Variants in PACS2 observed in about 807,000 individuals in gnomAD.
PACS2 encodes PACS1-like protein.
PACS2 carries 36 observed loss-of-function variants against 113.0 expected under a neutral mutation model. The ratio of observed to expected loss-of-function variants is 0.32; its 90% confidence interval spans 0.24 to 0.42. PACS2 has a LOEUF of 0.42. Ranked by LOEUF, PACS2 falls within the 10% of genes least tolerant of loss-of-function variation. The pLI, the probability that PACS2 is intolerant of heterozygous loss-of-function variation, is 1.00. For synonymous variants in PACS2, 589 were observed against 536.1 expected, an observed-to-expected ratio of 1.10 and a Z score of -1.36; for missense variants, 1,015 against 1,239.5, an observed-to-expected ratio of 0.82 and a Z score of 2.72.
In PACS2 at chr14:105,340,822, C is replaced by T. The variant is rs1466907808; in HGVS notation, c.120-7671C>T. 3.3e-5 allele frequency among the ~76,000 whole-genome samples: 5 copies of T among 152,228 alleles called. No individual in the cohort carries two copies. The highest frequency in any genetic ancestry group is 2.1e-4 in the South Asian group (1 of 4,822). ...CTGGCTTGGCTTCTGCCCCTGGGTC[C>T]GTGGTGGCTGCCTGGGACCTGCCCT... is the stretch of plus-strand genomic sequence containing the variant. On this transcript the variant is annotated intron_variant, in intron 1 of 24. Transcript: ENST00000447393. This position sits in a 1 kb window ranked among gnomAD's most constrained non-coding sequence, Gnocchi z 4.2.
In PACS2 at chr14:105,373,870, C is replaced by T. The variant is rs191814799; in HGVS notation, c.802-2898C>T. Among the ~76,000 whole-genome samples the T allele has an allele frequency of 9.9e-5, 15 of 151,974 alleles. No homozygotes were observed. In the East Asian group the frequency reaches 2.3e-3, roughly 23 times the overall value. On this transcript the variant is annotated intron_variant, in intron 8 of 24. Transcript: ENST00000447393. Reference sequence around the variant, plus strand: ...TGGATCAGCTGGGTGCGGTGGCTCACGCCTGTAATCCCAGCACTTTGGGAT... The same window carrying T: ...TGGATCAGCTGGGTGCGGTGGCTCATGCCTGTAATCCCAGCACTTTGGGAT...
rs1555416043 is a variant in PACS2, at chr14:105,394,660, G to A, written c.2703G>A (p.Lys901=). ...HFPICIFGHS[K]ATF is the part of the protein sequence containing the mutation. Reference sequence around the variant, plus strand: ...CCATCTGCATCTTCGGACACTCCAAGGCCACCTTCTAGCCCCACCCACCAG... The same window carrying A: ...CCATCTGCATCTTCGGACACTCCAAAGCCACCTTCTAGCCCCACCCACCAG... The change falls in exon 25 of 25, where the codon AAG becomes AAA. Residue 901 remains lysine, a synonymous_variant. Transcript: ENST00000447393. The A allele has an allele frequency of 6.2e-7, 1 of 1,611,304 alleles. No homozygotes were observed. The highest frequency in any genetic ancestry group is 1.1e-5 in the South Asian group (1 of 91,028).
intron 7 of PACS2, among the ~76,000 whole-genome samples, chr14:105,368,986 C>T (rs2061052242): frequency 6.6e-6 from 1 of 152,250 alleles, no homozygotes; most frequent in African/African-American, 2.4e-5. Flanking sequence ...GCTCAGGCAG[C>T]TCTTTCCTCA....
Position 105,357,459 on chromosome 14 carries a change from T to G in PACS2, c.423+2282T>G, listed in dbSNP as rs1292352857. Among the ~76,000 whole-genome samples, 2 of 151,934 alleles carry G rather than the reference T, an allele frequency of 1.3e-5. No individual in the cohort carries two copies. Among genetic ancestry groups the G allele is most frequent in the African/African-American group, 4.8e-5 (2 of 41,338 alleles). On this transcript the variant is annotated intron_variant, in intron 4 of 24. Coordinates refer to ENST00000447393, the MANE Select transcript of PACS2 (RefSeq NM_001100913.3). The surrounding 1 kb of genome is among the most constrained non-coding windows in gnomAD (Gnocchi z 5.1). Reference sequence around the variant, plus strand: ...CCGAGGTCATCTGACTGCTCCTCGCTCTCCCCTCCAGCATCTCCTCCAGGC... The same window carrying G: ...CCGAGGTCATCTGACTGCTCCTCGCGCTCCCCTCCAGCATCTCCTCCAGGC...
chr14:105,397,845 C>G lies in PACS2; in HGVS notation c.*3173C>G, dbSNP rs1555417403. ...TCTTCCGAGGGCCAGGCCGCCCCCT[C>G]CCCGAGACCTGTCCTGCCGTCCGCG... On this transcript the variant is annotated 3_prime_UTR_variant, in exon 25 of 25. Coordinates refer to ENST00000447393, the MANE Select transcript of PACS2 (RefSeq NM_001100913.3). 1.3e-5 allele frequency: 2 copies of G among 152,244 alleles called. No individual in the cohort carries two copies. Among genetic ancestry groups the G allele is most frequent in the African/African-American group, 4.8e-5 (2 of 41,444 alleles). 9.4% of individuals were successfully genotyped at this position (152,244 alleles called of 1,614,324 possible).
upstream of PACS2, among the ~76,000 whole-genome samples, chr14:105,309,777 T>C (rs12432798): frequency 1.1e-5 from 1 of 92,338 alleles, no homozygotes; most frequent in South Asian, 3.1e-4. The surrounding 1 kb of genome is among the most constrained non-coding windows in gnomAD (Gnocchi z 4.0). Flanking sequence ...GATGTGTGTC[T>C]TTTTTTTTTT....
intron 1 of PACS2, among the ~76,000 whole-genome samples, chr14:105,332,986 C>T (rs768478740): frequency 1.1e-4 from 17 of 152,166 alleles, no homozygotes; most frequent in Admixed American, 3.9e-4. Flanking sequence ...CCCCAGGCTC[C>T]GCTCCTGTGG....
At chr14:105,350,166 G>A (rs1007024539) in intron 2 of PACS2, among the ~76,000 whole-genome samples, 10 of 152,230 alleles carry the variant, frequency 6.6e-5, no homozygotes, top group East Asian at 5.8e-4. Context: ...GCTGCGGGTC[G>A]TCCCTGGGGA....
At position 105,352,060 on chromosome 14, in the gene PACS2, T is replaced by C. The variant is rs1159098746; in HGVS notation, c.208-318T>C. Among the ~76,000 whole-genome samples the C allele has an allele frequency of 2.0e-5, 3 of 152,270 alleles. No individual in the cohort carries two copies. In the East Asian group the frequency reaches 5.8e-4, roughly 29 times the overall value. ...TGCCAGACAGACTTGGGCAGCGCAG[T>C]CAGGTGCTGCTGCACCTGGCCGTGG... On this transcript the variant is annotated intron_variant, in intron 2 of 24. Transcript: ENST00000447393.
At chr14:105,379,599 C>T (rs782633341) in intron 9 of PACS2, 140 bp from the exon 10 acceptor site, 4 of 676,876 alleles carry the variant, frequency 5.9e-6, no homozygotes, top group Non-Finnish European at 8.0e-6. Context: ...TGCGCTGACA[C>T]GGGCTCTTCT....
chr14:105,393,880 C>A (rs768109083), intron 24 of PACS2, among the ~76,000 whole-genome samples: 2 of 151,968 alleles, frequency 1.3e-5, no homozygotes, highest in Non-Finnish European at 2.9e-5. Context: ...CGCGAGCCAC[C>A]GCACCTGGCC....
At chr14:105,302,710 C>T (rs749671541) in intron 1 of PACS2, among the ~76,000 whole-genome samples, 360 of 152,276 alleles carry the variant, frequency 2.4e-3, no homozygotes, top group Non-Finnish European at 4.1e-3. Flanking sequence ...CTCAGCCTCC[C>T]GAGTAGCTGG....
At chr14:105,335,203 T>C (rs1304683640) in intron 1 of PACS2, among the ~76,000 whole-genome samples, 2 of 152,258 alleles carry the variant, frequency 1.3e-5, no homozygotes, top group Non-Finnish European at 2.9e-5. Context: ...GTTTGCAGCA[T>C]TGTTCTCACA....
At position 105,329,951 on chromosome 14, in the gene PACS2, G is replaced by A. The variant is rs1676366241; in HGVS notation, c.119+14914G>A. Among the ~76,000 whole-genome samples the A allele has an allele frequency of 6.6e-6, 1 of 152,238 alleles. No individual in the cohort carries two copies. Among genetic ancestry groups the A allele is most frequent in the African/African-American group, 2.4e-5 (1 of 41,456 alleles). ...CTGTGGTCTGCACGTCCATGCCAGGGCCGAGCCCCCAGCTGGGATGCCCTG... is the reference window on the plus strand; with the variant it reads ...CTGTGGTCTGCACGTCCATGCCAGGACCGAGCCCCCAGCTGGGATGCCCTG... On this transcript the variant is annotated intron_variant, in intron 1 of 24. Coordinates refer to ENST00000447393, the MANE Select transcript of PACS2 (RefSeq NM_001100913.3). The surrounding 1 kb of genome is among the most constrained non-coding windows in gnomAD (Gnocchi z 6.4).
At chr14:105,367,014 C>T (rs1280782521) in intron 4 of PACS2, among the ~76,000 whole-genome samples, 199 bp from the exon 5 acceptor site, 9 of 152,198 alleles carry the variant, frequency 5.9e-5, no homozygotes, top group Non-Finnish European at 1.2e-4. Context: ...CTCCTGTGTC[C>T]TCCTCTCGTA....
intron 11 of PACS2, 139 bp from the exon 12 acceptor site, chr14:105,380,818 C>T (rs1478748697): frequency 9.0e-6 from 7 of 779,970 alleles, no homozygotes; most frequent in East Asian, 5.6e-5. Flanking sequence ...CCCTGGTCAG[C>T]GTATGGCCGG....
chr14:105,336,905 C>T (rs920721801), intron 1 of PACS2, among the ~76,000 whole-genome samples: 2 of 150,324 alleles, frequency 1.3e-5, no homozygotes, highest in African/African-American at 4.9e-5. Context: ...GGAGCACTGA[C>T]GCAGGGCCTC....
intron 8 of PACS2, chr14:105,372,210 T>G (rs370396035): frequency 6.6e-6 from 1 of 152,222 alleles, no homozygotes; most frequent in East Asian, 1.9e-4. Flanking sequence ...GGAACCAGAG[T>G]GAAGTCTGTT....
chr14:105,392,202 G>T (rs1357728147), intron 22 of PACS2: 2 of 319,272 alleles, frequency 6.3e-6, no homozygotes, highest in East Asian at 1.6e-4. Flanking sequence ...ATGGGGGGTT[G>T]TGGGCCCTGA....
Sources: gnomAD v4.1 joint callset for allele counts (sites outside exome capture counted in the v4.1 genomes callset) on GRCh38, gnomAD v4.1.1 for gene constraint, Gnocchi (gnomAD v3.1) non-coding constraint, MANE v1.5 for transcripts, NCBI Gene and HGNC (gene_info 2026-07-23, HGNC 2026-07-21) for gene names.